The following BACE2 variants were observed in gnomAD, a reference collection of about 807,000 sequenced individuals.
BACE2 encodes the protein beta-secretase 2, also known as 56 kDa aspartic-like protease.
A neutral mutation model predicts 46.2 loss-of-function variants in BACE2; 17 were observed. The ratio of observed to expected loss-of-function variants is 0.37; its 90% CI spans 0.25 to 0.55. The LOEUF is 0.55. BACE2 is among the 20% of genes least tolerant of loss of function. The pLI is 0.82. For missense variants in BACE2, 595 were observed against 698.1 expected (o/e 0.85, Z 1.66); for synonymous variants, 277 against 295.9 (o/e 0.94, Z 0.66).
chr21:41,261,425 T>C (rs1222822891), intron 8 of BACE2, among the ~76,000 whole-genome samples: 1 of 152,174 alleles, frequency 6.6e-6, no homozygotes, highest in South Asian at 2.1e-4. Context: ...TCTACTAATA[T>C]AGTGTGCACA....
intron 1 of BACE2, among the ~76,000 whole-genome samples, chr21:41,220,994 A>G (rs966828740): frequency 6.6e-6 from 1 of 151,070 alleles, no homozygotes; most frequent in African/African-American, 2.4e-5. Flanking sequence ...CAGGAGTTCA[A>G]GACCAGCCTG....
Position 41,275,736 on chromosome 21 carries a change from A to G in BACE2, c.*112A>G. On this transcript the variant is annotated 3_prime_UTR_variant, in exon 9 of 9. Coordinates refer to ENST00000330333, the MANE Select transcript of BACE2 (RefSeq NM_012105.5). ...CTTTCTCCTGTGCCCACCCGTCTTCAATCTCTGTTCTGCTCCCAGATGCCT... is the reference window on the plus strand; with the variant it reads ...CTTTCTCCTGTGCCCACCCGTCTTCGATCTCTGTTCTGCTCCCAGATGCCT... 7.5e-7 allele frequency: 1 copy of G among 1,330,892 alleles called. No individual in the cohort carries two copies. Among genetic ancestry groups the G allele is most frequent in the South Asian group, 1.4e-5 (1 of 70,918 alleles). 82.4% of individuals were successfully genotyped at this position (1,330,892 alleles called of 1,614,324 possible).
At chr21:41,172,012 A>G (rs752469846) in intron 1 of BACE2, among the ~76,000 whole-genome samples, 4 of 152,270 alleles carry the variant, frequency 2.6e-5, no homozygotes, top group Non-Finnish European at 4.4e-5. Flanking sequence ...TCTTCAGAAG[A>G]AGCCATCCAG....
intron 1 of BACE2, among the ~76,000 whole-genome samples, chr21:41,211,588 G>A (rs1354519498): frequency 6.6e-6 from 1 of 152,250 alleles, no homozygotes; most frequent in African/African-American, 2.4e-5. Flanking sequence ...TGTAATAACT[G>A]TGGGCAAACA....
At chr21:41,189,823 TTATTAAG>T in intron 1 of BACE2, among the ~76,000 whole-genome samples, 1 of 152,054 alleles carries the variant, frequency 6.6e-6, no homozygotes, top group African/African-American at 2.4e-5. Flanking sequence ...AAAGGGGAGT[TTATTAAG>T]TATTAACTTA....
rs1193282359 is a variant in BACE2 at position 41,174,807 on chromosome 21, G to A, written c.312+6232G>A. Among the ~76,000 whole-genome samples the A allele has an allele frequency of 3.3e-5, 5 of 152,272 alleles. No individual in the cohort carries two copies. In the East Asian group the frequency reaches 5.8e-4, roughly 18 times the overall value. ...CCTTGAGTCCCTTGCTGTGTGTCAT[G>A]GATCCCTCCTCTGGGTCACCCTGTT... is the stretch of plus-strand genomic sequence containing the variant. On this transcript the variant is annotated intron_variant, in intron 1 of 8. Transcript: ENST00000330333.
At chr21:41,266,768 C>T (rs561346772) in intron 8 of BACE2, among the ~76,000 whole-genome samples, 18 of 152,352 alleles carry the variant, frequency 1.2e-4, no homozygotes, top group African/African-American at 4.3e-4. Context: ...GTGGGAACCC[C>T]AGCCTTAGGG....
intron 8 of BACE2, among the ~76,000 whole-genome samples, chr21:41,266,946 T>TTG (rs10527457): frequency 0.014 from 2,120 of 148,356 alleles, 20 homozygotes; most frequent in Non-Finnish European, 0.019. Context: ...CTCACAGTGT[T>TTG]TGTGTGTGTG....
chr21:41,278,781 G>A lies in BACE2; in HGVS notation c.*3157G>A, dbSNP rs995380663. The A allele has an allele frequency of 2.0e-5, 3 of 152,084 alleles. No individual in the cohort carries two copies. The highest frequency in any genetic ancestry group is 7.2e-5 in the African/African-American group (3 of 41,392). 9.4% of individuals were successfully genotyped at this position (152,084 alleles called of 1,614,324 possible). The stretch of plus-strand genomic sequence containing the variant: ...ATTCCTCTTTCCCTGTCCCTGCTTG[G>A]TGGAGCTGCCACGTGTGGTTCAGTT... On this transcript the variant is annotated 3_prime_UTR_variant, in exon 9 of 9. Coordinates refer to ENST00000330333, the MANE Select transcript of BACE2 (RefSeq NM_012105.5).
chr21:41,237,719 C>T lies in BACE2; in HGVS notation c.608C>T (p.Thr203Ile), dbSNP rs1366131688. ...GGAATACTTGGCCTAGCTTATGCCACACTTGCCAAGGTAAGGCTAATCCAT... is the reference window on the plus strand; with the variant it reads ...GGAATACTTGGCCTAGCTTATGCCATACTTGCCAAGGTAAGGCTAATCCAT... The part of the protein sequence containing the change: ...WNGILGLAYA[T>I]LAKPSSSLET... The change falls in exon 3 of 9, where the codon ACA becomes ATA. Residue 203 changes from threonine to isoleucine, a missense_variant. Transcript: ENST00000330333. 1.9e-5 allele frequency: 30 copies of T among 1,612,956 alleles called. No homozygotes were observed. Among genetic ancestry groups the T allele is most frequent in the Non-Finnish European group, 2.5e-5 (30 of 1,179,046 alleles).
At chr21:41,189,512 A>G (rs1985493666) in intron 1 of BACE2, among the ~76,000 whole-genome samples, 1 of 152,168 alleles carries the variant, frequency 6.6e-6, no homozygotes, top group Non-Finnish European at 1.5e-5. Context: ...TGAGAAAATT[A>G]TGATTTTGCT....
At chr21:41,210,720 T>G (rs1006221040) in intron 1 of BACE2, among the ~76,000 whole-genome samples, 2 of 152,196 alleles carry the variant, frequency 1.3e-5, no homozygotes, top group Admixed American at 1.3e-4. Flanking sequence ...GGCTGCTCAC[T>G]TGAGTGCCTT....
intron 1 of BACE2, 127 bp downstream of exon 1, chr21:41,168,702 G>C: frequency 4.8e-6 from 2 of 420,090 alleles, no homozygotes; most frequent in South Asian, 1.1e-4. Context: ...GAAGAGCGGG[G>C]AACGCAGAGG....
At chr21:41,253,111 A>G (rs1987685936) in intron 7 of BACE2, among the ~76,000 whole-genome samples, 5 of 152,152 alleles carry the variant, frequency 3.3e-5, no homozygotes, top group Admixed American at 2.6e-4. Flanking sequence ...TGATATTACA[A>G]TGCTATGTTT....
intron 8 of BACE2, among the ~76,000 whole-genome samples, chr21:41,258,181 C>A (rs1455022941): frequency 6.6e-6 from 1 of 151,916 alleles, no homozygotes; most frequent in African/African-American, 2.4e-5. Context: ...AAGTCAGGAG[C>A]AGAATGGAAT....
chr21:41,275,508 G>T lies in BACE2; in HGVS notation c.1441G>T (p.Ala481Ser). Residue 481 changes from alanine (A) to serine (S), a missense_variant, in exon 9 of 9, where the codon GCC (alanine) becomes TCC (serine). Transcript: ENST00000330333. Reference sequence around the variant, plus strand: ...CTATGCGCTCATGAGCGTCTGTGGAGCCATCCTCCTTGTCTTAATCGTCCT... The same window carrying T: ...CTATGCGCTCATGAGCGTCTGTGGATCCATCCTCCTTGTCTTAATCGTCCT... ...VSYALMSVCG[A>S]ILLVLIVLLL... The T allele has an allele frequency of 1.9e-6, 3 of 1,614,086 alleles. No homozygotes were observed. The highest frequency in any genetic ancestry group is 2.5e-6 in the Non-Finnish European group (3 of 1,180,016).
At chr21:41,269,976 C>A (rs1488982418) in intron 8 of BACE2, among the ~76,000 whole-genome samples, 1 of 152,172 alleles carries the variant, frequency 6.6e-6, no homozygotes, top group Non-Finnish European at 1.5e-5. Flanking sequence ...ATGAAAGTTC[C>A]AGTTGTTAAA....
chr21:41,242,273 CTG>C (rs1987320995), intron 4 of BACE2, among the ~76,000 whole-genome samples: 1 of 151,526 alleles, frequency 6.6e-6, no homozygotes, highest in African/African-American at 2.4e-5. Flanking sequence ...GTGGACCTGA[CTG>C]TGGGTAGGGG....
rs988412247 is a variant in BACE2, at chr21:41,279,120, A to C, written c.*3496A>C. On this transcript the variant is annotated 3_prime_UTR_variant, in exon 9 of 9. Transcript: ENST00000330333. ...TACTAGATTTTTTTAATGCCGAGAA[A>C]AGTCCATGCCACAGAAGTTATTGTG... The C allele has an allele frequency of 6.6e-6, 1 of 152,088 alleles. No homozygotes were observed. The highest frequency in any genetic ancestry group is 2.4e-5 in the African/African-American group (1 of 41,400). 9.4% of individuals were successfully genotyped at this position (152,088 alleles called of 1,614,324 possible). A position where few individuals can be genotyped will look rare whatever the true frequency, so the allele number is the denominator to read the frequency against.
Sources: allele counts gnomAD v4.1 joint callset (sites outside exome capture counted in the v4.1 genomes callset), GRCh38; gene constraint gnomAD v4.1.1; transcripts MANE v1.5; gene names NCBI Gene and HGNC (gene_info 2026-07-23, HGNC 2026-07-21).